TARBP1: variants seen among roughly 807,000 people sequenced by gnomAD.
The protein encoded by TARBP1 is tRNA (guanosine(18)-2'-O)-methyltransferase TARBP1.
Under a neutral mutation model 178.6 loss-of-function variants are expected in TARBP1, and 144 were observed. That is an observed-to-expected ratio of 0.81 (90% CI 0.70 to 0.93). The LOEUF (loss-of-function observed/expected upper bound fraction) is 0.93. TARBP1 is among the 40% of genes least tolerant of loss of function. The pLI, the probability that TARBP1 is intolerant of heterozygous loss-of-function variation, is 0.00. For synonymous variants in TARBP1, 787 were observed against 781.0 expected (o/e 1.01, Z -0.13); for missense variants, 2,067 against 2,011.7 (o/e 1.03, Z -0.53).
At chr1:234,474,777 T>C (rs1669427884) in intron 1 of TARBP1, among the ~76,000 whole-genome samples, 1 of 152,210 alleles carries the variant, frequency 6.6e-6, no homozygotes. Context: ...TTTAGATATG[T>C]ATCGTTTCAG....
rs113138947 is a variant in TARBP1, at chr1:234,418,251, C to T, written c.3556-18G>A. ...AAGAAATTCTGAGAAAAAAAGTTCACAATTAACCAGTTACAGTTATTCATT... is the reference window on the plus strand; with the variant it reads ...AAGAAATTCTGAGAAAAAAAGTTCATAATTAACCAGTTACAGTTATTCATT... On this transcript the variant is annotated intron_variant, in intron 21 of 29. Transcript: ENST00000040877. 4.2e-4 allele frequency: 654 copies of T among 1,539,712 alleles called. 5 individuals carry two copies. The African/African-American group carries it at 8.6e-3, about 20-fold the overall frequency.
rs758399266 is a variant in TARBP1 at position 234,460,437 on chromosome 1, C to T, written c.1400-41G>A. On this transcript the variant is annotated intron_variant, in intron 6 of 29. Coordinates refer to ENST00000040877, the MANE Select transcript of TARBP1 (RefSeq NM_005646.4). The stretch of plus-strand genomic sequence containing the variant: ...TTAAATTATCATTGTTGCCAATTAG[C>T]ACATGAAAAGAAGCTCAATACCATT... The T allele has an allele frequency of 6.8e-6, 11 of 1,606,176 alleles. No homozygotes were observed. The Admixed American group carries it at 1.7e-4, about 25-fold the overall frequency.
chr1:234,408,948 GAC>G (rs1661536984), intron 23 of TARBP1, among the ~76,000 whole-genome samples: 1 of 152,218 alleles, frequency 6.6e-6, no homozygotes, highest in African/African-American at 2.4e-5. Context: ...TGTCGTGTGT[GAC>G]AGTTGTTTTG....
intron 1 of TARBP1, among the ~76,000 whole-genome samples, chr1:234,475,283 C>G (rs979813857): frequency 6.6e-6 from 1 of 152,180 alleles, no homozygotes. Context: ...GACCCTTCTC[C>G]GACAGGAAGC....
Position 234,478,644 on chromosome 1 carries a change from G to C in TARBP1, c.460C>G (p.Arg154Gly), listed in dbSNP as rs117698521. 0.092 allele frequency: 117,640 copies of C among 1,280,834 alleles called. 14,173 individuals carry two copies. The highest frequency in any genetic ancestry group is 0.75 in the East Asian group (21,689 of 28,922). The allele number at this position is 1,280,834 out of a possible 1,614,324, so 79.3% of individuals were successfully genotyped here. A position where few individuals can be genotyped will look rare whatever the true frequency, so the allele number is the denominator to read the frequency against. Residue 154 changes from arginine to glycine, a missense_variant, in exon 1 of 30, where the codon CGC becomes GGC. Physicochemically the swap from Arg to Gly is moderately radical, Grantham distance 125 (BLOSUM62 -2). Coordinates refer to ENST00000040877, the MANE Select transcript of TARBP1 (RefSeq NM_005646.4). ...CGCTCCAGTAGCGGCCCGTCCTCGC[G>C]GGGCCGCAAACATGGCCCGACGGCT... ...LAAVGPCLRP[R>G]EDGPLLERVA...
chr1:234,396,692 G>A lies in TARBP1; in HGVS notation c.4243+1690C>T, dbSNP rs138123778. On this transcript the variant is annotated intron_variant, in intron 26 of 29. Coordinates refer to ENST00000040877, the MANE Select transcript of TARBP1 (RefSeq NM_005646.4). ...ACCATCCAGAGGCCTGACAAAAATT[G>A]CATTTTCCCAGAACTCTCCTCCAGA... Among the ~76,000 whole-genome samples the A allele has an allele frequency of 2.4e-3, 368 of 152,034 alleles. 2 individuals carry two copies. Among genetic ancestry groups the A allele is most frequent in the Admixed American group, 5.0e-3 (77 of 15,274 alleles).
intron 5 of TARBP1, among the ~76,000 whole-genome samples, chr1:234,464,443 G>A (rs1015590470): frequency 2.0e-5 from 3 of 152,200 alleles, no homozygotes; most frequent in Admixed American, 2.0e-4. Flanking sequence ...AACATTATCT[G>A]CTAATTGAAC....
intron 4 of TARBP1, 139 bp from the exon 5 acceptor site, chr1:234,465,847 G>A: frequency 1.5e-6 from 1 of 646,496 alleles, no homozygotes; most frequent in Non-Finnish European, 2.4e-6. Context: ...TACGCTGCAG[G>A]CTAAATTTAG....
chr1:234,471,378 C>G, intron 2 of TARBP1, 121 bp from the exon 3 acceptor site: 2 of 658,020 alleles, frequency 3.0e-6, no homozygotes, highest in Middle Eastern at 6.6e-4. Context: ...GTAGAAAGAG[C>G]CTGATTTATC....
chr1:234,475,977 C>A (rs937217719), intron 1 of TARBP1, among the ~76,000 whole-genome samples: 1 of 152,156 alleles, frequency 6.6e-6, no homozygotes, highest in Non-Finnish European at 1.5e-5. Flanking sequence ...CGGTGCCTAT[C>A]CCAGGCAGAA....
chr1:234,451,843 C>T lies in TARBP1; in HGVS notation c.1723-1277G>A, dbSNP rs111769422. Among the ~76,000 whole-genome samples the T allele has an allele frequency of 6.6e-5, 10 of 151,860 alleles. 1 individual carries two copies. The highest frequency in any genetic ancestry group is 5.8e-4 in the East Asian group (3 of 5,168). On this transcript the variant is annotated intron_variant, in intron 9 of 29. Transcript: ENST00000040877. ...GTACAATGAGTGAGCAAGTCAATGA[C>T]GCTAAAGGAGGTTGTTCTGTGTAGG...
chr1:234,453,208 G>A (rs1363855507), intron 9 of TARBP1, among the ~76,000 whole-genome samples: 1 of 152,010 alleles, frequency 6.6e-6, no homozygotes, highest in Non-Finnish European at 1.5e-5. Flanking sequence ...TCAATATGGG[G>A]GTCATCAATT....
chr1:234,460,833 T>C (rs1667782867), intron 6 of TARBP1, among the ~76,000 whole-genome samples: 1 of 152,176 alleles, frequency 6.6e-6, no homozygotes, highest in Non-Finnish European at 1.5e-5. Flanking sequence ...GAAATATCTA[T>C]ACAGTGAAAT....
In TARBP1 at chr1:234,478,216, C is replaced by T. The variant is rs1362990788; in HGVS notation, c.888G>A (p.Ala296=). 1.2e-6 allele frequency: 2 copies of T among 1,611,874 alleles called. No homozygotes were observed. The highest frequency in any genetic ancestry group is 2.2e-5 in the East Asian group (1 of 44,840). Residue 296 remains alanine, a synonymous_variant, in exon 1 of 30, where the codon GCG becomes GCA. Transcript: ENST00000040877. ...YLLQRAVEVS[A]ELGADCTCGP... is the part of the protein sequence containing the mutation. ...CGCAGGTGCAGTCGGCCCCCAGCTC[C>T]GCCGACACCTCCACCGCCCTCTGCA...
intron 22 of TARBP1, among the ~76,000 whole-genome samples, chr1:234,416,488 G>A (rs893352785): frequency 2.0e-5 from 3 of 152,094 alleles, no homozygotes; most frequent in Non-Finnish European, 4.4e-5. Flanking sequence ...GTAGAGACGG[G>A]GTTTCACCAT....
At chr1:234,424,024 G>A (rs1486903570) in intron 20 of TARBP1, among the ~76,000 whole-genome samples, 2 of 152,018 alleles carry the variant, frequency 1.3e-5, no homozygotes, top group African/African-American at 2.4e-5. Flanking sequence ...TTTCCTCTGG[G>A]ACATCTTCCT....
intron 9 of TARBP1, among the ~76,000 whole-genome samples, chr1:234,453,646 A>G (rs1043444814): frequency 2.0e-5 from 3 of 152,248 alleles, no homozygotes; most frequent in East Asian, 1.9e-4. Context: ...ATGACTTAAC[A>G]TAACTAGATA....
Position 234,429,544 on chromosome 1 carries a change from G to A in TARBP1, c.2743C>T (p.Leu915=). ...TGAACGGCAGGTAGAAACGGTTCCA[G>A]AATTTCACTCCCTGTGGTTGGTATA... ...TLIPTTGSEI[L]EPFLPAVQMP... is the part of the protein sequence containing the mutation. Residue 915 remains leucine (L), a synonymous_variant, in exon 16 of 30, where the codon CTG becomes TTG. Transcript: ENST00000040877. 2 of 1,614,162 alleles carry A rather than the reference G, an allele frequency of 1.2e-6. No individual in the cohort carries two copies. Among genetic ancestry groups the A allele is most frequent in the Non-Finnish European group, 1.7e-6 (2 of 1,180,038 alleles).
At chr1:234,391,921 TAA>T (rs201536722) in intron 29 of TARBP1, among the ~76,000 whole-genome samples, 176 bp from the exon 30 acceptor site, 2 of 151,084 alleles carry the variant, frequency 1.3e-5, no homozygotes, top group Admixed American at 1.3e-4. Context: ...AATAAGAGTG[TAA>T]AAAAAAAGAC....
Sources: gnomAD v4.1 joint callset for allele counts (sites outside exome capture counted in the v4.1 genomes callset) on GRCh38, gnomAD v4.1.1 for gene constraint, MANE v1.5 for transcripts, NCBI Gene and HGNC (gene_info 2026-07-23, HGNC 2026-07-21) for gene names.